Variants in ANKRD28 observed in about 807,000 individuals in gnomAD.
ANKRD28 encodes serine/threonine-protein phosphatase 6 regulatory ankyrin repeat subunit A.
A neutral mutation model predicts 126.5 loss-of-function variants in ANKRD28; 44 were observed. That is an observed-to-expected ratio of 0.35 (90% CI 0.27 to 0.45). The LOEUF (loss-of-function observed/expected upper bound fraction) is 0.45, where lower values mean the gene tolerates loss of function less well. ANKRD28 is among the 20% of genes least tolerant of loss of function. The probability of loss-of-function intolerance (pLI) is 1.00; values close to 1 mark genes in which losing one functional copy is unlikely to be tolerated. For synonymous variants in ANKRD28, 442 were observed against 468.5 expected (o/e 0.94, Z 0.73); for missense variants, 1,110 against 1,316.6 (o/e 0.84, Z 2.43).
intron 4 of ANKRD28, among the ~76,000 whole-genome samples, chr3:15,743,891 A>G (rs953833659): frequency 1.3e-5 from 2 of 152,204 alleles, no homozygotes; most frequent in Non-Finnish European, 2.9e-5. Flanking sequence ...GTTCTCTTCT[A>G]TGCATCTATC....
chr3:15,732,209 G>A (rs2074685181), intron 6 of ANKRD28: 1 of 152,258 alleles, frequency 6.6e-6, no homozygotes, highest in African/African-American at 2.4e-5. Flanking sequence ...CCCAATGGAG[G>A]TCAAAAGCAT....
chr3:15,686,114 G>A lies in ANKRD28; in HGVS notation c.2057C>T (p.Pro686Leu), dbSNP rs758141062. 6.2e-7 allele frequency: 1 copy of A among 1,612,628 alleles called. No individual in the cohort carries two copies. Among genetic ancestry groups the A allele is most frequent in the Non-Finnish European group, 8.5e-7 (1 of 1,179,266 alleles). ...CCCGTTGAGAACAGATAGCATCAGA[G>A]GCGTCCTGAGCAACAACAGGAATAG... ...VDIQDGNGQT[P>L]LMLSVLNGHT... The change falls in exon 20 of 28, where the codon CCT becomes CTT. Residue 686 changes from proline (P) to leucine (L), a missense_variant. Coordinates refer to ENST00000683139, the MANE Select transcript of ANKRD28 (RefSeq NM_001349278.2).
chr3:15,859,046 C>T (rs2061839632), intron 1 of ANKRD28, among the ~76,000 whole-genome samples: 1 of 152,200 alleles, frequency 6.6e-6, no homozygotes, highest in Admixed American at 6.5e-5. Context: ...GGGGAAGCCA[C>T]CTGTTAGGCC....
chr3:15,735,332 T>A, intron 6 of ANKRD28, 78 bp downstream of exon 6: 1 of 1,200,560 alleles, frequency 8.3e-7, no homozygotes, highest in Non-Finnish European at 1.2e-6. Flanking sequence ...AGACAAATGC[T>A]ATACAAACAG....
intron 24 of ANKRD28, 109 bp downstream of exon 24, chr3:15,678,100 G>T: frequency 1.8e-6 from 2 of 1,129,246 alleles, no homozygotes; most frequent in Non-Finnish European, 1.2e-6. Flanking sequence ...AAGGTTTTAA[G>T]TCTTAGGAGT....
intron 3 of ANKRD28, among the ~76,000 whole-genome samples, chr3:15,756,017 A>G (rs1156375223): frequency 6.6e-6 from 1 of 152,252 alleles, no homozygotes; most frequent in Non-Finnish European, 1.5e-5. Context: ...ACATGCCAGA[A>G]GCACCTCATT....
chr3:15,683,522 T>A (rs2067764915), intron 21 of ANKRD28, among the ~76,000 whole-genome samples: 1 of 152,148 alleles, frequency 6.6e-6, no homozygotes, highest in Non-Finnish European at 1.5e-5. Context: ...GGTTAAGGAT[T>A]TAAGGTAGTA....
Position 15,814,894 on chromosome 3 carries a change from T to C in ANKRD28, c.28-19588A>G, listed in dbSNP as rs2060801551. 6.7e-6 allele frequency among the ~76,000 whole-genome samples: 1 copy of C among 149,988 alleles called. No homozygotes were observed. Among genetic ancestry groups the C allele is most frequent in the South Asian group, 2.1e-4 (1 of 4,814 alleles). ...ATACATATATTATATATAAAAAGTA[T>C]ATATATATACTTTTTTAAAGGTTAG... On this transcript the variant is annotated intron_variant, in intron 1 of 27. Coordinates refer to the ANKRD28 transcript ENST00000399451. This position sits in a 1 kb window ranked among gnomAD's most constrained non-coding sequence, Gnocchi z 4.7.
rs560342051 is a variant in ANKRD28, at chr3:15,813,226, C to T, written c.28-17920G>A. ...ACTAAAAATACAAAAATTAACCGGG[C>T]ATGGTGGCATGCACCTGTAGTCCCA... is the stretch of plus-strand genomic sequence containing the variant. On this transcript the variant is annotated intron_variant, in intron 1 of 27. Transcript: ENST00000399451. Among the ~76,000 whole-genome samples the T allele has an allele frequency of 7.2e-5, 11 of 152,006 alleles. No homozygotes were observed. In the South Asian group the frequency reaches 2.3e-3, roughly 32 times the overall value.
At chr3:15,775,761 C>CA (rs1285736060) in intron 2 of ANKRD28, among the ~76,000 whole-genome samples, 1 of 152,336 alleles carries the variant, frequency 6.6e-6, no homozygotes, top group East Asian at 1.9e-4. Flanking sequence ...TCTCTGGGTG[C>CA]ACCACCCTCC....
chr3:15,754,855 G>A (rs1043059989), intron 3 of ANKRD28, among the ~76,000 whole-genome samples: 14 of 152,262 alleles, frequency 9.2e-5, no homozygotes, highest in African/African-American at 2.2e-4. Context: ...AGTGGCTCAC[G>A]CCTGTAATCC....
chr3:15,717,128 G>A (rs569444996), intron 8 of ANKRD28, among the ~76,000 whole-genome samples: 1 of 152,258 alleles, frequency 6.6e-6, no homozygotes, highest in Non-Finnish European at 1.5e-5. Flanking sequence ...TAAGTGATGA[G>A]TCCTTTATTT....
At chr3:15,747,638 T>G (rs1044582221) in intron 4 of ANKRD28, among the ~76,000 whole-genome samples, 2 of 152,194 alleles carry the variant, frequency 1.3e-5, no homozygotes, top group Non-Finnish European at 2.9e-5. Context: ...GGAGAACATT[T>G]CATGTGCTGA....
intron 1 of ANKRD28, among the ~76,000 whole-genome samples, chr3:15,851,938 A>G (rs1248030432): frequency 2.0e-5 from 3 of 152,260 alleles, no homozygotes; most frequent in Non-Finnish European, 4.4e-5. Flanking sequence ...AATATTATTC[A>G]CCAATTAAAA....
intron 4 of ANKRD28, among the ~76,000 whole-genome samples, chr3:15,741,574 G>A (rs994852854): frequency 9.9e-5 from 15 of 151,896 alleles, no homozygotes; most frequent in Non-Finnish European, 2.1e-4. Flanking sequence ...TAATTCAAAT[G>A]AGATTATGAA....
chr3:15,792,861 A>T (rs985740572), intron 2 of ANKRD28, among the ~76,000 whole-genome samples: 1 of 152,104 alleles, frequency 6.6e-6, no homozygotes, highest in Non-Finnish European at 1.5e-5. Context: ...AATTTTTTTT[A>T]AAACCCACTA....
intron 1 of ANKRD28, among the ~76,000 whole-genome samples, chr3:15,807,108 C>CAT (rs1197355690): frequency 6.6e-6 from 1 of 152,202 alleles, no homozygotes; most frequent in Non-Finnish European, 1.5e-5. Context: ...TAACTCCCTT[C>CAT]ATAGCCACAT....
intron 2 of ANKRD28, among the ~76,000 whole-genome samples, chr3:15,767,119 A>G (rs181677663): frequency 6.6e-6 from 1 of 152,334 alleles, no homozygotes; most frequent in Admixed American, 6.5e-5. Flanking sequence ...TAAAAAATAC[A>G]TACTCATCCA....
chr3:15,771,320 G>A (rs892672808), intron 2 of ANKRD28, among the ~76,000 whole-genome samples: 2 of 150,122 alleles, frequency 1.3e-5, no homozygotes, highest in Non-Finnish European at 2.9e-5. Flanking sequence ...TGAGGCAGCA[G>A]AATCGCTTGA....
Sources: gnomAD v4.1 joint callset for allele counts (sites outside exome capture counted in the v4.1 genomes callset) on GRCh38, gnomAD v4.1.1 for gene constraint, Gnocchi (gnomAD v3.1) non-coding constraint, MANE v1.5 for transcripts, NCBI Gene and HGNC (gene_info 2026-07-23, HGNC 2026-07-21) for gene names.